The following CYB5D2 variants were observed in gnomAD, a reference collection of about 807,000 sequenced individuals.
The protein encoded by CYB5D2 is neuferricin.
A neutral mutation model predicts 22.8 loss-of-function variants in CYB5D2; 23 were observed. The observed-to-expected ratio is 1.01, with a 90% CI of 0.73 to 1.43. The LOEUF (loss-of-function observed/expected upper bound fraction) is 1.43. Among genes scored for constraint, CYB5D2 ranks in the 40% most tolerant of loss-of-function variants. CYB5D2 has a pLI of 0.00. For synonymous variants in CYB5D2, 170 were observed against 152.2 expected (o/e 1.12, Z -0.86); for missense variants, 373 against 357.2 (o/e 1.04, Z -0.36).
At chr17:4,146,909 C>T (rs1217166346) in intron 1 of CYB5D2, among the ~76,000 whole-genome samples, 1 of 152,016 alleles carries the variant, frequency 6.6e-6, no homozygotes, top group Non-Finnish European at 1.5e-5. Context: ...GCTTCTTTCA[C>T]CTAGCATCAT....
rs752256570 is a variant in CYB5D2 at position 4,157,069 on chromosome 17, C to T, written c.782C>T (p.Ser261Phe). Residue 261 changes from serine (S) to phenylalanine (F), a missense_variant, in exon 4 of 4, where the codon TCC becomes TTC. By Grantham distance (155) the Ser-to-Phe change is radical (BLOSUM62 -2). Coordinates refer to ENST00000301391, the MANE Select transcript of CYB5D2 (RefSeq NM_144611.4). This position sits in a 1 kb window ranked among gnomAD's most constrained non-coding sequence, Gnocchi z 4.4. ...TGCCCACCGCTAGCCATCACATGCT[C>T]CTTTCCACTCTAAGCCGTAGCCTCT... ...TGCPPLAITC[S>F]FPL 1.2e-6 allele frequency: 2 copies of T among 1,612,386 alleles called. No individual in the cohort carries two copies.
rs2058908555 is a variant in CYB5D2 at position 4,143,305 on chromosome 17, T to G, written c.-451T>G. 1 of 173,438 alleles carries G rather than the reference T, an allele frequency of 5.8e-6. No homozygotes were observed. The highest frequency in any genetic ancestry group is 6.3e-5 in the Admixed American group (1 of 15,924). 10.7% of individuals were successfully genotyped at this position (173,438 alleles called of 1,614,324 possible). A position where few individuals can be genotyped will look rare whatever the true frequency, so the allele number is the denominator to read the frequency against. ...ACTTTGGGAGGCCGAGACGGGTGGA[T>G]CACCTGAGGTCAGGAGTTCGAGACC... On this transcript the variant is annotated 5_prime_UTR_variant, in exon 1 of 4. Transcript: ENST00000301391.
chr17:4,147,775 C>T (rs1597974217), intron 1 of CYB5D2, among the ~76,000 whole-genome samples: 3 of 152,318 alleles, frequency 2.0e-5, no homozygotes, highest in South Asian at 4.1e-4. Context: ...ATTGCTTGAA[C>T]CTGGGAGGCA....
chr17:4,151,747 G>A (rs4790576), intron 2 of CYB5D2, among the ~76,000 whole-genome samples: 1 of 151,532 alleles, frequency 6.6e-6, no homozygotes, highest in Non-Finnish European at 1.5e-5. Context: ...GCTCATGCCT[G>A]TAATCCCAGC....
At chr17:4,149,684 C>T (rs1018109775) in intron 1 of CYB5D2, among the ~76,000 whole-genome samples, 6 of 152,018 alleles carry the variant, frequency 3.9e-5, no homozygotes, top group African/African-American at 4.8e-5. Context: ...CTGTAATCCC[C>T]GCTACTCTGG....
At chr17:4,154,645 C>G (rs752085810) in intron 2 of CYB5D2, 29 bp from the exon 3 acceptor site, 3 of 1,605,754 alleles carry the variant, frequency 1.9e-6, no homozygotes, top group Non-Finnish European at 2.6e-6. Flanking sequence ...TATTCACTCT[C>G]ACTCACATCT....
chr17:4,146,388 C>G (rs1335004407), intron 1 of CYB5D2, among the ~76,000 whole-genome samples: 1 of 150,770 alleles, frequency 6.6e-6, no homozygotes, highest in East Asian at 2.0e-4. Context: ...AGCCAAAATT[C>G]AGTGTTTTTT....
chr17:4,143,642 C>CG lies in CYB5D2; in HGVS notation c.-113dup. The CG allele has an allele frequency of 1.4e-6, 2 of 1,437,856 alleles. No homozygotes were observed. The highest frequency in any genetic ancestry group is 2.8e-5 in the South Asian group (2 of 72,432). 89.1% of individuals were successfully genotyped at this position (1,437,856 alleles called of 1,614,324 possible). The stretch of plus-strand genomic sequence containing the variant: ...GGGAGGGAGCGCGAGCACTAGCGCG[C>CG]GAGAGAGAGAGCGAGAGCGCGCGCG... On this transcript the variant is annotated 5_prime_UTR_variant, in exon 1 of 4. Transcript: ENST00000301391.
chr17:4,148,860 A>G (rs1597975578), intron 1 of CYB5D2, among the ~76,000 whole-genome samples: 1 of 152,158 alleles, frequency 6.6e-6, no homozygotes, highest in Non-Finnish European at 1.5e-5. Flanking sequence ...TGGATTGAGC[A>G]ACTGGTTGGC....
intron 1 of CYB5D2, among the ~76,000 whole-genome samples, chr17:4,146,638 C>T (rs1425449933): frequency 2.0e-5 from 3 of 151,964 alleles, no homozygotes; most frequent in Admixed American, 1.3e-4. Context: ...GATCTGCCTA[C>T]CTCAGCCTCC....
chr17:4,152,463 C>G (rs78800959), intron 2 of CYB5D2, among the ~76,000 whole-genome samples: 11,133 of 152,282 alleles, frequency 0.073, 499 homozygotes, highest in South Asian at 0.15. Context: ...CAAGGGAAAA[C>G]AAGATGGCCT....
In CYB5D2 at chr17:4,143,649, G is replaced by A. The variant is rs557569163; in HGVS notation, c.-107G>A. 2.7e-5 allele frequency: 40 copies of A among 1,474,744 alleles called. No homozygotes were observed. The highest frequency in any genetic ancestry group is 1.7e-4 in the African/African-American group (12 of 70,944). The allele number at this position is 1,474,744 out of a possible 1,614,324, so 91.4% of individuals were successfully genotyped here. On this transcript the variant is annotated 5_prime_UTR_variant, in exon 1 of 4. Transcript: ENST00000301391. ...AGCGCGAGCACTAGCGCGCGAGAGA[G>A]AGAGCGAGAGCGCGCGCGCCGATGA...
chr17:4,155,477 C>T (rs1014200433), intron 3 of CYB5D2, among the ~76,000 whole-genome samples: 2 of 152,168 alleles, frequency 1.3e-5, no homozygotes, highest in Non-Finnish European at 2.9e-5. Flanking sequence ...ACTGCAAATT[C>T]GGAGTTCTCA....
At chr17:4,151,136 C>G (rs1253627474) in intron 2 of CYB5D2, 1 of 152,212 alleles carries the variant, frequency 6.6e-6, no homozygotes, top group African/African-American at 2.4e-5. Flanking sequence ...TCAGCTCCCT[C>G]CACATCCAAT....
At chr17:4,146,696 G>GTT (rs141250163) in intron 1 of CYB5D2, among the ~76,000 whole-genome samples, 111 of 149,004 alleles carry the variant, frequency 7.4e-4, no homozygotes, top group Middle Eastern at 6.9e-3. Context: ...GGCCCGGTGG[G>GTT]TTTTTTTTTT....
intron 1 of CYB5D2, among the ~76,000 whole-genome samples, chr17:4,145,018 C>T (rs62072179): frequency 0.21 from 31,944 of 152,088 alleles, 3,443 homozygotes; most frequent in Middle Eastern, 0.27. Flanking sequence ...GATCTCCTGA[C>T]CTTATGATCC....
chr17:4,143,849 C>T lies in CYB5D2; in HGVS notation c.94C>T (p.Arg32Cys), dbSNP rs1428489965. 1.2e-6 allele frequency: 2 copies of T among 1,613,978 alleles called. No homozygotes were observed. The highest frequency in any genetic ancestry group is 1.7e-6 in the Non-Finnish European group (2 of 1,180,010). Residue 32 changes from arginine to cysteine, a missense_variant, in exon 1 of 4, where the codon CGC becomes TGC. Transcript: ENST00000301391. ...AARLMGWWGP[R>C]AGFRLFIPEE... ...ACGGCTTATGGGCTGGTGGGGTCCC[C>T]GCGCTGGCTTTCGCCTTTTCATACC...
At chr17:4,149,686 C>T (rs2059032383) in intron 1 of CYB5D2, among the ~76,000 whole-genome samples, 1 of 152,152 alleles carries the variant, frequency 6.6e-6, no homozygotes, top group Non-Finnish European at 1.5e-5. Context: ...GTAATCCCCG[C>T]TACTCTGGAG....
intron 1 of CYB5D2, among the ~76,000 whole-genome samples, chr17:4,149,054 T>C (rs1011230528): frequency 3.9e-5 from 6 of 152,052 alleles, no homozygotes; most frequent in African/African-American, 1.4e-4. Context: ...CAGTCCTCCT[T>C]ATTCAGCTTC....
Sources: allele counts gnomAD v4.1 joint callset (sites outside exome capture counted in the v4.1 genomes callset), GRCh38; gene constraint gnomAD v4.1.1; non-coding constraint Gnocchi (gnomAD v3.1); transcripts MANE v1.5; gene names NCBI Gene and HGNC (gene_info 2026-07-23, HGNC 2026-07-21).